CRCP: variants seen among roughly 807,000 people sequenced by gnomAD.
CRCP encodes the protein DNA-directed RNA polymerase III subunit RPC9.
In CRCP, 18 loss-of-function variants were observed where a neutral mutation model predicts 18.5. The observed-to-expected ratio is 0.97, with a 90% CI of 0.67 to 1.44. The LOEUF (loss-of-function observed/expected upper bound fraction) is 1.44, where lower values mean the gene tolerates loss of function less well. Among genes scored for constraint, CRCP ranks in the 40% most tolerant of loss-of-function variants. The pLI, the probability that CRCP is intolerant of heterozygous loss-of-function variation, is 0.00. For synonymous variants in CRCP, 53 were observed against 62.9 expected, an observed-to-expected ratio of 0.84 and a Z score of 0.75; for missense variants, 130 against 176.4, an observed-to-expected ratio of 0.74 and a Z score of 1.49.
At chr7:66,126,011 A>G (rs1787608172) in intron 1 of CRCP, among the ~76,000 whole-genome samples, 1 of 149,604 alleles carries the variant, frequency 6.7e-6, no homozygotes, top group Non-Finnish European at 1.5e-5. Flanking sequence ...ACTCTGTCAC[A>G]TGCACTAATT....
rs1787611476 is a variant in CRCP, at chr7:66,126,166, G to A, written c.9-1538G>A. On this transcript the variant is annotated intron_variant, in intron 1 of 5. Coordinates refer to ENST00000395326, the MANE Select transcript of CRCP (RefSeq NM_014478.5). Reference sequence around the variant, plus strand: ...AGCATTTGGTAAGCTTCACAGAGCTGATTTGATTATAGTGCTGACATCACT... The same window carrying A: ...AGCATTTGGTAAGCTTCACAGAGCTAATTTGATTATAGTGCTGACATCACT... Among the ~76,000 whole-genome samples the A allele has an allele frequency of 1.3e-5, 2 of 149,314 alleles. 1 individual carries two copies. Among genetic ancestry groups the A allele is most frequent in the Admixed American group, 1.3e-4 (2 of 14,916 alleles).
intron 2 of CRCP, among the ~76,000 whole-genome samples, chr7:66,129,775 C>T (rs1238149270): frequency 2.0e-5 from 3 of 152,052 alleles, no homozygotes; most frequent in African/African-American, 7.2e-5. Flanking sequence ...GGAAACATTG[C>T]ATTCATTGAT....
intron 1 of CRCP, among the ~76,000 whole-genome samples, chr7:66,115,253 A>C (rs1363567502): frequency 6.6e-6 from 1 of 151,662 alleles, no homozygotes; most frequent in African/African-American, 2.4e-5. Context: ...TCATTCGTTT[A>C]CCAGCGTTTC....
intron 4 of CRCP, among the ~76,000 whole-genome samples, chr7:66,138,008 C>G (rs1435151051): frequency 2.0e-5 from 3 of 152,222 alleles, no homozygotes; most frequent in Non-Finnish European, 4.4e-5. Flanking sequence ...CTTTTCCTCT[C>G]TATTCCTGAA....
At chr7:66,114,830 T>G (rs1787202587), upstream of CRCP, 1 of 1,592,078 alleles carries the variant, frequency 6.3e-7, no homozygotes, top group Non-Finnish European at 8.6e-7. Flanking sequence ...GCTCCCGGCA[T>G]GCAGCGCGGC....
At chr7:66,152,180 C>A in intron 5 of CRCP, 28 bp from the exon 6 acceptor site, 1 of 1,613,334 alleles carries the variant, frequency 6.2e-7, no homozygotes, top group Non-Finnish European at 8.5e-7. Context: ...TCATTTGTAA[C>A]CCTGGAGGAT....
At chr7:66,133,883 G>T in intron 3 of CRCP, among the ~76,000 whole-genome samples, 1 of 125,194 alleles carries the variant, frequency 8.0e-6, no homozygotes, top group East Asian at 2.3e-4. Context: ...TTTTGAGACA[G>T]AGTCTCACTC....
chr7:66,137,093 A>G (rs1212966102), intron 4 of CRCP, among the ~76,000 whole-genome samples: 1 of 151,682 alleles, frequency 6.6e-6, no homozygotes, highest in Non-Finnish European at 1.5e-5. Context: ...AAAATTTAAT[A>G]ATAATAATAA....
chr7:66,123,604 C>T (rs1341456476), intron 1 of CRCP, among the ~76,000 whole-genome samples: 3 of 151,900 alleles, frequency 2.0e-5, no homozygotes, highest in South Asian at 2.1e-4. Context: ...CAAAATTAGC[C>T]AGGTGTGGTG....
chr7:66,151,988 C>T (rs1227037541), intron 5 of CRCP, among the ~76,000 whole-genome samples: 3 of 152,020 alleles, frequency 2.0e-5, no homozygotes. Context: ...TATCCTACAA[C>T]TTGGTTTTTA....
In CRCP at chr7:66,117,117, C is replaced by CAA. The variant is rs34224463; in HGVS notation, c.8+2166_8+2167dup. 3.5e-3 allele frequency among the ~76,000 whole-genome samples: 280 copies of CAA among 81,050 alleles called. 4 individuals carry two copies. The highest frequency in any genetic ancestry group is 0.013 in the Admixed American group (115 of 8,694). The allele number at this position is 81,050 out of a possible 152,430, so 53.2% of individuals were successfully genotyped here. A position where few individuals can be genotyped will look rare whatever the true frequency, so the allele number is the denominator to read the frequency against. ...CCTAGGTGACAGGGCAAGACTGTCT[C>CAA]AAAAAAAAAAAAAAAAAAAACCTGA... On this transcript the variant is annotated intron_variant, in intron 1 of 5. Coordinates refer to ENST00000395326, the MANE Select transcript of CRCP (RefSeq NM_014478.5).
chr7:66,121,065 A>ATAC (rs1210062361), intron 1 of CRCP, among the ~76,000 whole-genome samples: 2 of 131,690 alleles, frequency 1.5e-5, no homozygotes, highest in Non-Finnish European at 1.6e-5. Flanking sequence ...AATAATAATA[A>ATAC]TACCTGAAAT....
intron 1 of CRCP, among the ~76,000 whole-genome samples, chr7:66,124,001 C>T (rs1390261995): frequency 2.6e-5 from 3 of 116,778 alleles, no homozygotes; most frequent in East Asian, 2.6e-4. Context: ...GCCGAGATCG[C>T]GCCACTGCAC....
In CRCP at chr7:66,151,517, C is replaced by T. The variant is rs1026694485; in HGVS notation, c.298-691C>T. Among the ~76,000 whole-genome samples the T allele has an allele frequency of 2.6e-5, 4 of 151,778 alleles. No individual in the cohort carries two copies. The East Asian group carries it at 7.8e-4, about 29-fold the overall frequency. ...CTGAGAGGCGGAGGTTGCAGTGAGC[C>T]GAGATTGTGCCACTGCACTCCAGCC... On this transcript the variant is annotated intron_variant, in intron 5 of 5. Coordinates refer to ENST00000395326, the MANE Select transcript of CRCP (RefSeq NM_014478.5).
intron 4 of CRCP, among the ~76,000 whole-genome samples, chr7:66,139,410 GTTA>G (rs1330109681): frequency 6.6e-6 from 1 of 152,064 alleles, no homozygotes; most frequent in Admixed American, 6.6e-5. Flanking sequence ...TTTTCCCCCA[GTTA>G]TTATAATAGT....
chr7:66,134,393 T>G lies in CRCP; in HGVS notation c.239+19T>G. 6.6e-7 allele frequency: 1 copy of G among 1,511,308 alleles called. No individual in the cohort carries two copies. Among genetic ancestry groups the G allele is most frequent in the East Asian group, 2.3e-5 (1 of 44,304 alleles). The allele number at this position is 1,511,308 out of a possible 1,614,324, so 93.6% of individuals were successfully genotyped here. A position where few individuals can be genotyped will look rare whatever the true frequency, so the allele number is the denominator to read the frequency against. Reference sequence around the variant, plus strand: ...TGACCAAGTAAGTAAATCTCTTAAGTAGGAAGAGCGTGACACATGGTGAAA... The same window carrying G: ...TGACCAAGTAAGTAAATCTCTTAAGGAGGAAGAGCGTGACACATGGTGAAA... On this transcript the variant is annotated intron_variant, in intron 4 of 5. Coordinates refer to ENST00000395326, the MANE Select transcript of CRCP (RefSeq NM_014478.5).
chr7:66,139,237 T>C (rs1029244764), intron 4 of CRCP, among the ~76,000 whole-genome samples: 1 of 152,242 alleles, frequency 6.6e-6, no homozygotes, highest in African/African-American at 2.4e-5. Context: ...TTGATCTGTC[T>C]GTATATGCAC....
intron 1 of CRCP, among the ~76,000 whole-genome samples, chr7:66,123,505 T>C (rs1320640973): frequency 6.6e-6 from 1 of 152,098 alleles, no homozygotes; most frequent in Non-Finnish European, 1.5e-5. Flanking sequence ...TCCCAGTACT[T>C]TGGGAGGGCA....
In CRCP at chr7:66,118,808, T is replaced by A. The variant is rs187326056; in HGVS notation, c.8+3838T>A. Reference sequence around the variant, plus strand: ...AAATGACTAAAACAGTAAGCATAACTTTTGTTAAAGTATTTGTCCTTTGTC... The same window carrying A: ...AAATGACTAAAACAGTAAGCATAACATTTGTTAAAGTATTTGTCCTTTGTC... On this transcript the variant is annotated intron_variant, in intron 1 of 5. Transcript: ENST00000395326. Among the ~76,000 whole-genome samples the A allele has an allele frequency of 2.1e-3, 325 of 152,300 alleles. 2 individuals carry two copies. Among genetic ancestry groups the A allele is most frequent in the African/African-American group, 7.7e-3 (318 of 41,564 alleles).
Sources: allele counts gnomAD v4.1 joint callset (sites outside exome capture counted in the v4.1 genomes callset), GRCh38; gene constraint gnomAD v4.1.1; transcripts MANE v1.5; gene names NCBI Gene and HGNC (gene_info 2026-07-23, HGNC 2026-07-21).